Variants in BICC1 observed in about 807,000 individuals in gnomAD.
BICC1 encodes protein bicaudal C homolog 1.
Under a neutral mutation model 111.0 loss-of-function variants are expected in BICC1, and 43 were observed. The ratio of observed to expected loss-of-function variants is 0.39; its 90% CI spans 0.30 to 0.50. BICC1 has a LOEUF of 0.50. BICC1 is among the 20% of genes least tolerant of loss of function. The probability of loss-of-function intolerance (pLI) is 0.88; values close to 1 mark genes in which losing one functional copy is unlikely to be tolerated. For missense variants in BICC1, 1,091 were observed against 1,203.2 expected, an observed-to-expected ratio of 0.91 and a Z score of 1.38; for synonymous variants, 467 against 434.4, an observed-to-expected ratio of 1.07 and a Z score of -0.93.
chr10:58,602,004 A>G (rs1460454122), intron 1 of BICC1, among the ~76,000 whole-genome samples: 2 of 152,154 alleles, frequency 1.3e-5, no homozygotes, highest in Non-Finnish European at 2.9e-5. Context: ...AGCATTGCCA[A>G]CTATTAAAGA....
chr10:58,758,532 A>G (rs1209593672), intron 3 of BICC1, among the ~76,000 whole-genome samples: 1 of 152,228 alleles, frequency 6.6e-6, no homozygotes, highest in Admixed American at 6.5e-5. Context: ...ACAAAAAGGC[A>G]GTTCACTGTT....
At chr10:58,564,235 C>T (rs1210637149) in intron 1 of BICC1, among the ~76,000 whole-genome samples, 1 of 152,104 alleles carries the variant, frequency 6.6e-6, no homozygotes, top group East Asian at 1.9e-4. Flanking sequence ...ATGCTTTGCT[C>T]TCATTTATTG....
intron 2 of BICC1, among the ~76,000 whole-genome samples, chr10:58,653,282 G>T (rs898214132): frequency 7.2e-5 from 11 of 152,136 alleles, no homozygotes; most frequent in Admixed American, 5.2e-4. Context: ...CAAGTAACCA[G>T]AAATAGTTTT....
intron 1 of BICC1, among the ~76,000 whole-genome samples, chr10:58,601,140 TTATATA>T (rs71033690): frequency 2.6e-4 from 26 of 100,672 alleles, no homozygotes; most frequent in African/African-American, 6.6e-4. Flanking sequence ...ATTTTAAAAC[TTATATA>T]TATATATATA....
chr10:58,642,460 C>T (rs1838152021), intron 2 of BICC1, among the ~76,000 whole-genome samples: 1 of 152,058 alleles, frequency 6.6e-6, no homozygotes. Context: ...TGGCATTATT[C>T]CTGGAATGTC....
chr10:58,663,964 C>T (rs1447888541), intron 2 of BICC1, among the ~76,000 whole-genome samples: 1 of 152,094 alleles, frequency 6.6e-6, no homozygotes, highest in Non-Finnish European at 1.5e-5. Context: ...CATTCATTCA[C>T]TAGTTGATGG....
chr10:58,558,036 A>G (rs960064895), intron 1 of BICC1, among the ~76,000 whole-genome samples: 3 of 152,124 alleles, frequency 2.0e-5, no homozygotes, highest in African/African-American at 7.2e-5. Context: ...CCAGAGCAGC[A>G]TTTAGTTCAG....
In BICC1 at chr10:58,698,966, C is replaced by T. The variant is rs543930283; in HGVS notation, c.238-3108C>T. 2.0e-5 allele frequency among the ~76,000 whole-genome samples: 3 copies of T among 152,346 alleles called. No homozygotes were observed. In the South Asian group the frequency reaches 6.2e-4, roughly 32 times the overall value. On this transcript the variant is annotated intron_variant, in intron 2 of 20. Transcript: ENST00000373886. ...AACAAATAAAGGATGTCTGCAAAGG[C>T]ATCTGGCCAGAGCTCTGTGTGGGGC... is the stretch of plus-strand genomic sequence containing the variant.
intron 2 of BICC1, among the ~76,000 whole-genome samples, chr10:58,676,897 C>T (rs569065597): frequency 1.2e-3 from 189 of 152,272 alleles, no homozygotes; most frequent in Non-Finnish European, 2.1e-3. Flanking sequence ...CTGGTGATAT[C>T]GAGGCAAACA....
intron 9 of BICC1, among the ~76,000 whole-genome samples, chr10:58,795,854 GTGA>G (rs896371439): frequency 6.6e-6 from 1 of 152,136 alleles, no homozygotes; most frequent in Non-Finnish European, 1.5e-5. Context: ...TCAAACATAA[GTGA>G]TGATGATGAT....
At chr10:58,783,546 G>A (rs1369425069) in intron 3 of BICC1, among the ~76,000 whole-genome samples, 1 of 152,118 alleles carries the variant, frequency 6.6e-6, no homozygotes, top group African/African-American at 2.4e-5. Flanking sequence ...TGATTCTCAT[G>A]CCTTATCCTA....
chr10:58,551,756 T>C (rs1193091453), intron 1 of BICC1, among the ~76,000 whole-genome samples: 6 of 152,316 alleles, frequency 3.9e-5, no homozygotes, highest in African/African-American at 7.2e-5. Flanking sequence ...AATTTCTCTT[T>C]CTCTGACCTT....
At chr10:58,636,907 A>C (rs535628090) in intron 2 of BICC1, among the ~76,000 whole-genome samples, 1 of 152,184 alleles carries the variant, frequency 6.6e-6, no homozygotes, top group African/African-American at 2.4e-5. Flanking sequence ...AGATGATTTG[A>C]TTCTTTAGAG....
rs181239281 is a variant in BICC1 at position 58,523,083 on chromosome 10, G to A, written c.190+9750G>A. Among the ~76,000 whole-genome samples the A allele has an allele frequency of 1.4e-4, 22 of 152,216 alleles. No individual in the cohort carries two copies. The East Asian group carries it at 4.1e-3, about 28-fold the overall frequency. On this transcript the variant is annotated intron_variant, in intron 1 of 20. Transcript: ENST00000373886. ...ATTAATAGCTTACCAACCAAAAAAA[G>A]TCCAGAACCAGATAGATTCACAGCT...
chr10:58,528,136 G>C (rs905725706), intron 1 of BICC1, among the ~76,000 whole-genome samples: 1 of 151,818 alleles, frequency 6.6e-6, no homozygotes, highest in East Asian at 1.9e-4. Flanking sequence ...TGTTCATTTT[G>C]GGCTAGCGGA....
chr10:58,775,382 A>C (rs540753307), intron 3 of BICC1, among the ~76,000 whole-genome samples: 9 of 151,218 alleles, frequency 6.0e-5, no homozygotes, highest in South Asian at 4.2e-4. Context: ...TCAAAAAAAA[A>C]CAAAAAACAA....
intron 3 of BICC1, among the ~76,000 whole-genome samples, chr10:58,721,453 C>G (rs541758038): frequency 7.7e-4 from 117 of 152,266 alleles, no homozygotes; most frequent in African/African-American, 2.5e-3. Context: ...TAATTAATGA[C>G]TGCTGTCTAG....
intron 3 of BICC1, among the ~76,000 whole-genome samples, chr10:58,783,068 A>G (rs1460746139): frequency 6.6e-6 from 1 of 152,178 alleles, no homozygotes; most frequent in East Asian, 1.9e-4. Context: ...GATGCTTAAC[A>G]TTTTGGCAAG....
chr10:58,702,863 A>G (rs1197585336), intron 3 of BICC1, among the ~76,000 whole-genome samples: 1 of 152,198 alleles, frequency 6.6e-6, no homozygotes, highest in Non-Finnish European at 1.5e-5. Context: ...AATGACAAAT[A>G]CCATCAAACA....
Sources: allele counts gnomAD v4.1 joint callset (sites outside exome capture counted in the v4.1 genomes callset), GRCh38; gene constraint gnomAD v4.1.1; transcripts MANE v1.5; gene names NCBI Gene and HGNC (gene_info 2026-07-23, HGNC 2026-07-21).